DPH5: variants seen among roughly 807,000 people sequenced by gnomAD.
DPH5 encodes the protein diphthamide biosynthesis 5, also known as diphthine methyl ester synthase.
DPH5 carries 31 observed loss-of-function variants against 31.6 expected under a neutral mutation model. The ratio of observed to expected loss-of-function variants is 0.98; its 90% CI spans 0.74 to 1.32. The LOEUF is 1.32. Among genes scored for constraint, DPH5 ranks in the 40% most tolerant of loss-of-function variants. The probability of loss-of-function intolerance (pLI) is 0.00; values close to 1 mark genes in which losing one functional copy is unlikely to be tolerated. For synonymous variants in DPH5, 120 were observed against 115.0 expected (o/e 1.04, Z -0.28); for missense variants, 309 against 335.7 (o/e 0.92, Z 0.62).
At chr1:101,021,018 A>G (rs964616239) in intron 3 of DPH5, among the ~76,000 whole-genome samples, 2 of 152,198 alleles carry the variant, frequency 1.3e-5, no homozygotes, top group Non-Finnish European at 2.9e-5. Context: ...TCTGTGATAT[A>G]AATCTTAGGT....
At chr1:101,013,526 G>A in intron 4 of DPH5, 184 bp downstream of exon 4, 1 of 417,328 alleles carries the variant, frequency 2.4e-6, no homozygotes, top group Non-Finnish European at 4.2e-6. Flanking sequence ...ATTCCAATAA[G>A]GGGGAAAACC....
chr1:100,994,418 C>T (rs183617231), intron 6 of DPH5, among the ~76,000 whole-genome samples: 12 of 152,044 alleles, frequency 7.9e-5, no homozygotes, highest in Non-Finnish European at 1.6e-4. Context: ...TTAGACACTG[C>T]CTCTCTAAGT....
chr1:101,005,926 G>C (rs75033721), intron 4 of DPH5, among the ~76,000 whole-genome samples: 20 of 152,168 alleles, frequency 1.3e-4, no homozygotes, highest in African/African-American at 4.6e-4. Context: ...GGGAGGTGAG[G>C]GGGGGAGCAG....
intron 2 of DPH5, among the ~76,000 whole-genome samples, chr1:101,022,007 T>G (rs1169489418): frequency 6.6e-6 from 1 of 152,228 alleles, no homozygotes; most frequent in African/African-American, 2.4e-5. Flanking sequence ...GCGGAACTCT[T>G]AACATCTGAG....
At chr1:101,001,925 C>T (rs1013459935) in intron 4 of DPH5, among the ~76,000 whole-genome samples, 6 of 151,960 alleles carry the variant, frequency 3.9e-5, no homozygotes, top group Non-Finnish European at 7.4e-5. Context: ...GAGTTCTGAG[C>T]AATCAGAGCG....
At chr1:100,992,904 G>T (rs779845669) in intron 6 of DPH5, among the ~76,000 whole-genome samples, 164 bp from the exon 7 acceptor site, 19 of 152,260 alleles carry the variant, frequency 1.2e-4, no homozygotes, top group Non-Finnish European at 1.6e-4. Context: ...CATGATGATT[G>T]TTCATTTCTT....
At chr1:101,021,294 G>A (rs1660420863) in intron 3 of DPH5, among the ~76,000 whole-genome samples, 1 of 152,162 alleles carries the variant, frequency 6.6e-6, no homozygotes. Context: ...AGCAGAAAAT[G>A]GCAGGCATGA....
intron 4 of DPH5, among the ~76,000 whole-genome samples, chr1:101,011,421 T>C (rs1659633561): frequency 6.6e-6 from 1 of 152,156 alleles, no homozygotes; most frequent in African/African-American, 2.4e-5. Flanking sequence ...GGGGGGAAAA[T>C]GGTGTGTGGC....
rs1359821901 is a variant in DPH5, at chr1:101,025,366, G to A, written c.78C>T (p.Cys26=). Residue 26 remains cysteine, a synonymous_variant, in exon 2 of 8, where the codon TGC becomes TGT. Transcript: ENST00000370109. ...TGTAGGCTTCCAGATACACTCGACTGCAGCGTCTAACAACTTCCAGGCCCT... is the reference window on the plus strand; with the variant it reads ...TGTAGGCTTCCAGATACACTCGACTACAGCGTCTAACAACTTCCAGGCCCT... ...TVKGLEVVRR[C]SRVYLEAYTS... The A allele has an allele frequency of 6.8e-6, 11 of 1,614,094 alleles. No individual in the cohort carries two copies. The highest frequency in any genetic ancestry group is 8.5e-6 in the Non-Finnish European group (10 of 1,180,042).
At chr1:101,021,914 A>ATACAACTC in intron 2 of DPH5, 149 bp from the exon 3 acceptor site, 1 of 665,910 alleles carries the variant, frequency 1.5e-6, no homozygotes. Flanking sequence ...AGATCATTCA[A>ATACAACTC]TACAACTCAT....
chr1:101,007,240 A>T (rs750251159), intron 4 of DPH5, among the ~76,000 whole-genome samples: 1 of 152,160 alleles, frequency 6.6e-6, no homozygotes, highest in Non-Finnish European at 1.5e-5. Context: ...GGTACTATGG[A>T]TGCTTTTTTA....
At chr1:101,024,312 A>T (rs1431351786) in intron 2 of DPH5, among the ~76,000 whole-genome samples, 1 of 152,094 alleles carries the variant, frequency 6.6e-6, no homozygotes. Context: ...CGAGAGGTTG[A>T]GGTGGGAGGA....
chr1:101,000,790 G>A (rs1658801269), intron 5 of DPH5, among the ~76,000 whole-genome samples: 1 of 152,194 alleles, frequency 6.6e-6, no homozygotes, highest in African/African-American at 2.4e-5. Context: ...CAGTGCCTCT[G>A]CTAGAAAGAA....
chr1:101,001,965 T>C (rs1329937809), intron 4 of DPH5, among the ~76,000 whole-genome samples: 1 of 152,188 alleles, frequency 6.6e-6, no homozygotes, highest in African/African-American at 2.4e-5. Flanking sequence ...TGTTCTCATT[T>C]TACAGATGAG....
intron 3 of DPH5, among the ~76,000 whole-genome samples, chr1:101,016,692 C>T (rs112986411): frequency 3.9e-5 from 6 of 152,138 alleles, no homozygotes; most frequent in African/African-American, 1.2e-4. Context: ...GGTGATCTGC[C>T]CACCTCAGCC....
At chr1:101,004,659 G>C (rs1433465926) in intron 4 of DPH5, among the ~76,000 whole-genome samples, 1 of 152,146 alleles carries the variant, frequency 6.6e-6, no homozygotes, top group Non-Finnish European at 1.5e-5. Context: ...AAAGACAATA[G>C]TAGGTAGTAG....
chr1:100,997,490 C>T (rs575380535), intron 5 of DPH5, among the ~76,000 whole-genome samples: 5 of 152,040 alleles, frequency 3.3e-5, no homozygotes, highest in East Asian at 3.9e-4. Context: ...CTCAGCCTCC[C>T]GAGTAGCTGA....
intron 2 of DPH5, among the ~76,000 whole-genome samples, chr1:101,024,196 T>G (rs923029806): frequency 6.6e-6 from 1 of 151,880 alleles, no homozygotes; most frequent in South Asian, 2.1e-4. Flanking sequence ...ATCACTAGAG[T>G]CCAGGAACTT....
intron 5 of DPH5, among the ~76,000 whole-genome samples, chr1:101,000,266 T>C (rs1319592718): frequency 6.6e-6 from 1 of 152,198 alleles, no homozygotes. Flanking sequence ...GTGATAGACA[T>C]TTTGGTGAGT....
Sources: gnomAD v4.1 joint callset for allele counts (sites outside exome capture counted in the v4.1 genomes callset) on GRCh38, gnomAD v4.1.1 for gene constraint, MANE v1.5 for transcripts, NCBI Gene and HGNC (gene_info 2026-07-23, HGNC 2026-07-21) for gene names.